PCGF5: variants seen among roughly 807,000 people sequenced by gnomAD.
PCGF5 encodes the protein polycomb group ring finger 5.
Under a neutral mutation model 44.3 loss-of-function variants are expected in PCGF5, and 9 were observed. That is an observed-to-expected ratio of 0.20 (90% CI 0.12 to 0.35). PCGF5 has a LOEUF of 0.35. Ranked by LOEUF, PCGF5 falls within the 10% of genes least tolerant of loss-of-function variation. PCGF5 has a pLI of 1.00. For missense variants in PCGF5, 146 were observed against 305.3 expected, an observed-to-expected ratio of 0.48 and a Z score of 3.89; for synonymous variants, 95 against 102.5, an observed-to-expected ratio of 0.93 and a Z score of 0.44.
chr10:91,164,195 A>G (rs1237770358), intron 1 of PCGF5, among the ~76,000 whole-genome samples: 1 of 151,532 alleles, frequency 6.6e-6, no homozygotes, highest in Admixed American at 6.6e-5. Flanking sequence ...AGGGGCGGGG[A>G]AGACTTAGTG....
intron 1 of PCGF5, among the ~76,000 whole-genome samples, chr10:91,214,675 G>C (rs1342830138): frequency 1.3e-5 from 2 of 152,306 alleles, no homozygotes; most frequent in Non-Finnish European, 2.9e-5. Context: ...CACTGGTAGA[G>C]GAGCACGACA....
At chr10:91,185,515 T>G (rs1380976481) in intron 1 of PCGF5, among the ~76,000 whole-genome samples, 1 of 152,204 alleles carries the variant, frequency 6.6e-6, no homozygotes, top group Non-Finnish European at 1.5e-5. Flanking sequence ...TGACCATCAC[T>G]GCTGAGCCCC....
At chr10:91,212,790 A>G (rs374133648) in intron 1 of PCGF5, among the ~76,000 whole-genome samples, 2 of 152,258 alleles carry the variant, frequency 1.3e-5, no homozygotes, top group South Asian at 2.1e-4. Context: ...TAATCTTAAG[A>G]TTTTTTTCTT....
At chr10:91,240,067 T>C (rs1476542468) in intron 2 of PCGF5, among the ~76,000 whole-genome samples, 1 of 152,210 alleles carries the variant, frequency 6.6e-6, no homozygotes, top group Non-Finnish European at 1.5e-5. Flanking sequence ...TTGAAAACTC[T>C]CAAGTTGTAT....
chr10:91,158,052 C>T (rs1039831712), upstream of PCGF5, among the ~76,000 whole-genome samples: 2 of 152,040 alleles, frequency 1.3e-5, no homozygotes, highest in African/African-American at 4.8e-5. Flanking sequence ...ACAAATGGTG[C>T]CTTTTAAGAA....
At chr10:91,161,505 C>A (rs1309025856), upstream of PCGF5, among the ~76,000 whole-genome samples, 1 of 152,192 alleles carries the variant, frequency 6.6e-6, no homozygotes, top group Non-Finnish European at 1.5e-5. Flanking sequence ...TAGGAATTAG[C>A]TGTAAAATGA....
intron 1 of PCGF5, among the ~76,000 whole-genome samples, chr10:91,190,181 G>A (rs1404298408): frequency 3.3e-5 from 5 of 152,196 alleles, no homozygotes; most frequent in African/African-American, 1.2e-4. Context: ...ACCTCACATA[G>A]TGGAAGGGAC....
chr10:91,207,963 G>A (rs935445563), intron 1 of PCGF5, among the ~76,000 whole-genome samples: 1 of 152,022 alleles, frequency 6.6e-6, no homozygotes, highest in Non-Finnish European at 1.5e-5. Flanking sequence ...TCCATTGTAG[G>A]GGTACCTTTT....
At chr10:91,199,383 C>T (rs1487239485) in intron 1 of PCGF5, among the ~76,000 whole-genome samples, 2 of 152,178 alleles carry the variant, frequency 1.3e-5, no homozygotes, top group African/African-American at 4.8e-5. Context: ...TAGAATGACT[C>T]CTCTGAGTTG....
At chr10:91,250,619 A>G (rs942822066) in intron 5 of PCGF5, among the ~76,000 whole-genome samples, 16 of 151,314 alleles carry the variant, frequency 1.1e-4, no homozygotes, top group African/African-American at 3.9e-4. Context: ...TATCCAACAT[A>G]TAGTTAGAAC....
At chr10:91,186,616 A>G (rs1843931808) in intron 1 of PCGF5, among the ~76,000 whole-genome samples, 1 of 152,002 alleles carries the variant, frequency 6.6e-6, no homozygotes, top group South Asian at 2.1e-4. Context: ...ACACACATAT[A>G]TATGTAACAA....
intron 7 of PCGF5, among the ~76,000 whole-genome samples, chr10:91,262,567 A>C (rs1029486972): frequency 3.3e-5 from 5 of 152,190 alleles, no homozygotes; most frequent in African/African-American, 4.8e-5. Context: ...GGAGACATAA[A>C]ATGTGATAGA....
intron 1 of PCGF5, among the ~76,000 whole-genome samples, chr10:91,195,705 G>A (rs1439118917): frequency 6.6e-6 from 1 of 151,856 alleles, no homozygotes; most frequent in Non-Finnish European, 1.5e-5. Flanking sequence ...CCAGTGTTGG[G>A]ATTACAGGCA....
At chr10:91,249,604 T>C (rs530970941) in intron 5 of PCGF5, among the ~76,000 whole-genome samples, 82 of 151,864 alleles carry the variant, frequency 5.4e-4, no homozygotes, top group African/African-American at 1.9e-3. Flanking sequence ...CATAAGATCA[T>C]AGGATTGTCA....
At chr10:91,163,424 T>C (rs1438445809) in intron 1 of PCGF5, among the ~76,000 whole-genome samples, 1 of 151,868 alleles carries the variant, frequency 6.6e-6, no homozygotes, top group African/African-American at 2.4e-5. Flanking sequence ...GAGCAGCGGC[T>C]CCCTGGCTGG....
At chr10:91,239,493 T>C (rs1306633018) in intron 2 of PCGF5, among the ~76,000 whole-genome samples, 1 of 152,104 alleles carries the variant, frequency 6.6e-6, no homozygotes, top group African/African-American at 2.4e-5. Context: ...AACTTTTAGA[T>C]AGTGTTGATC....
chr10:91,245,135 GC>G (rs1426132224), intron 3 of PCGF5, among the ~76,000 whole-genome samples: 1 of 152,104 alleles, frequency 6.6e-6, no homozygotes, highest in Admixed American at 6.6e-5. Flanking sequence ...AAGAGGAGGA[GC>G]CAGCACAGGA....
chr10:91,269,107 A>G (rs1322859196), intron 8 of PCGF5, among the ~76,000 whole-genome samples: 1 of 152,196 alleles, frequency 6.6e-6, no homozygotes, highest in African/African-American at 2.4e-5. Context: ...GACTCAAGAT[A>G]CTGTATTTCC....
chr10:91,202,166 C>G (rs1481310466), intron 1 of PCGF5, among the ~76,000 whole-genome samples: 1 of 152,186 alleles, frequency 6.6e-6, no homozygotes, highest in Non-Finnish European at 1.5e-5. Flanking sequence ...CTGCTTAGAA[C>G]CATGCCTTCG....
Sources: allele counts gnomAD v4.1 joint callset (sites outside exome capture counted in the v4.1 genomes callset), GRCh38; gene constraint gnomAD v4.1.1; transcripts MANE v1.5; gene names NCBI Gene and HGNC (gene_info 2026-07-23, HGNC 2026-07-21).